PTPRN2: variants seen among roughly 807,000 people sequenced by gnomAD.
PTPRN2 encodes the protein protein tyrosine phosphatase receptor type N2.
Under a neutral mutation model 118.8 loss-of-function variants are expected in PTPRN2, and 74 were observed. The ratio of observed to expected loss-of-function variants is 0.62; its 90% confidence interval spans 0.52 to 0.76. The LOEUF (loss-of-function observed/expected upper bound fraction) is 0.76, where lower values mean the gene tolerates loss of function less well. PTPRN2 is among the 30% of genes least tolerant of loss of function. The pLI, the probability that PTPRN2 is intolerant of heterozygous loss-of-function variation, is 0.00. For synonymous variants in PTPRN2, 641 were observed against 608.0 expected (o/e 1.05, Z -0.80); for missense variants, 1,481 against 1,394.4 (o/e 1.06, Z -0.99).
Position 157,571,477 on chromosome 7 carries a change from A to G in PTPRN2, c.2800T>C (p.Tyr934His). The G allele has an allele frequency of 6.2e-7, 1 of 1,609,350 alleles. No individual in the cohort carries two copies. The highest frequency in any genetic ancestry group is 8.5e-7 in the Non-Finnish European group (1 of 1,177,304). ...ATTATTGGACAAGAACGGCCCCTGTAGCACTTGTTTACTTTTCTGAAATAA... is the reference window on the plus strand; with the variant it reads ...ATTATTGGACAAGAACGGCCCCTGTGGCACTTGTTTACTTTTCTGAAATAA... ...LDFRRKVNKCYRGRSCPIIVH... is the reference protein window; with the variant it reads ...LDFRRKVNKCHRGRSCPIIVH... The change falls in exon 20 of 23, where the codon TAC becomes CAC. Residue 934 changes from tyrosine to histidine, a missense_variant. Physicochemically the swap from Tyr to His is moderately conservative, Grantham distance 83. Transcript: ENST00000389418.
At chr7:158,113,647 C>T (rs1446079959) in intron 9 of PTPRN2, among the ~76,000 whole-genome samples, 1 of 152,166 alleles carries the variant, frequency 6.6e-6, no homozygotes, top group East Asian at 1.9e-4. Context: ...CAGAGCGCAG[C>T]TGCACTAGCT....
intron 11 of PTPRN2, among the ~76,000 whole-genome samples, chr7:157,908,632 C>T (rs913273720): frequency 1.3e-5 from 2 of 152,192 alleles, no homozygotes; most frequent in East Asian, 1.9e-4. Context: ...GCATGACTCA[C>T]GCAACCAGCT....
In PTPRN2 at chr7:157,660,180, G is replaced by C. The variant is rs972385117; in HGVS notation, c.2002-3629C>G. Among the ~76,000 whole-genome samples the C allele has an allele frequency of 2.0e-5, 3 of 152,268 alleles. No homozygotes were observed. In the South Asian group the frequency reaches 6.2e-4, roughly 32 times the overall value. On this transcript the variant is annotated intron_variant, in intron 13 of 22. Coordinates refer to ENST00000389418, the MANE Select transcript of PTPRN2 (RefSeq NM_002847.5). ...AAAATAACGTCCAACCAAAGCATGA[G>C]AACAGCTACAGCTCAGGGAACCCAG...
At chr7:157,580,420 C>T (rs769003440) in intron 17 of PTPRN2, among the ~76,000 whole-genome samples, 3 of 151,986 alleles carry the variant, frequency 2.0e-5, no homozygotes, top group Non-Finnish European at 4.4e-5. Context: ...GCCACCTGCA[C>T]AGCCGAGTAC....
chr7:158,171,318 T>TACATAC lies in PTPRN2; in HGVS notation c.550-4028_550-4027insGTATGT, dbSNP rs1318559722. On this transcript the variant is annotated intron_variant, in intron 5 of 22. Transcript: ENST00000389418. ...ACATATATATACACACATATATATA[T>TACATAC]ATATATATATATATATATATATATA... 5.2e-3 allele frequency among the ~76,000 whole-genome samples: 488 copies of TACATAC among 93,828 alleles called. 67 individuals carry two copies. The highest frequency in any genetic ancestry group is 0.02 in the African/African-American group (432 of 21,542). The allele number at this position is 93,828 out of a possible 152,430, so 61.6% of individuals were successfully genotyped here.
rs1253314207 is a variant in PTPRN2, at chr7:157,674,060, C to G, written c.2001+8665G>C. Among the ~76,000 whole-genome samples, 1 of 152,208 alleles carries G rather than the reference C, an allele frequency of 6.6e-6. No homozygotes were observed. Among genetic ancestry groups the G allele is most frequent in the Non-Finnish European group, 1.5e-5 (1 of 68,032 alleles). ...CGAGGTTCCAAGGCTGTCTGCCCAC[C>G]CAGACCCAAGGTGTCCAATCCTTAG... On this transcript the variant is annotated intron_variant, in intron 13 of 22. Transcript: ENST00000389418. The surrounding 1 kb of genome is among the most constrained non-coding windows in gnomAD (Gnocchi z 4.5).
At chr7:158,338,270 C>T (rs1368755139) in intron 2 of PTPRN2, among the ~76,000 whole-genome samples, 1 of 77,970 alleles carries the variant, frequency 1.3e-5, no homozygotes, top group African/African-American at 5.9e-5. Context: ...ACACTCTCAC[C>T]ATAAGCGCTG....
At chr7:158,288,981 C>T (rs1253818356) in intron 3 of PTPRN2, among the ~76,000 whole-genome samples, 1 of 152,100 alleles carries the variant, frequency 6.6e-6, no homozygotes, top group African/African-American at 2.4e-5. Context: ...CCTTCAGCAC[C>T]TTGAATATAT....
chr7:158,484,983 C>T (rs974015391), intron 2 of PTPRN2, among the ~76,000 whole-genome samples: 1 of 152,130 alleles, frequency 6.6e-6, no homozygotes, highest in Admixed American at 6.5e-5. Flanking sequence ...GAGCCACGAG[C>T]GCAAGGGCAC....
intron 11 of PTPRN2, among the ~76,000 whole-genome samples, chr7:157,981,383 C>G (rs374857384): frequency 1.3e-5 from 2 of 148,600 alleles, no homozygotes; most frequent in African/African-American, 5.2e-5. Flanking sequence ...TATTCCGGGA[C>G]GGGTGAAACT....
At chr7:157,854,263 G>A (rs546736136) in intron 12 of PTPRN2, among the ~76,000 whole-genome samples, 1 of 152,376 alleles carries the variant, frequency 6.6e-6, no homozygotes, top group Admixed American at 6.5e-5. Context: ...ATGAAGGCAA[G>A]GGCTGGGCTC....
At chr7:157,738,275 G>C (rs1800417209) in intron 12 of PTPRN2, among the ~76,000 whole-genome samples, 2 of 152,120 alleles carry the variant, frequency 1.3e-5, no homozygotes, top group African/African-American at 4.8e-5. Flanking sequence ...GTCTGAATTC[G>C]ACATCTCTCC....
chr7:158,390,083 A>G (rs1189201625), intron 2 of PTPRN2, among the ~76,000 whole-genome samples: 2 of 152,232 alleles, frequency 1.3e-5, no homozygotes, highest in Non-Finnish European at 2.9e-5. Flanking sequence ...GCGTTTATTC[A>G]AACCGATCTT....
chr7:157,967,133 A>C (rs1307570202), intron 11 of PTPRN2, among the ~76,000 whole-genome samples: 1 of 152,206 alleles, frequency 6.6e-6, no homozygotes, highest in East Asian at 1.9e-4. Flanking sequence ...CCACCTGGGC[A>C]ACATATTGAG....
intron 2 of PTPRN2, among the ~76,000 whole-genome samples, chr7:158,324,670 G>A: frequency 6.7e-6 from 1 of 148,752 alleles, no homozygotes; most frequent in Non-Finnish European, 1.5e-5. Context: ...GATCCTAGTG[G>A]ACCTCTGTTC....
intron 2 of PTPRN2, among the ~76,000 whole-genome samples, chr7:158,344,694 C>T (rs989566140): frequency 1.3e-5 from 2 of 151,382 alleles, no homozygotes; most frequent in Non-Finnish European, 2.9e-5. Flanking sequence ...GAGGTGGTCG[C>T]TCTCCCCAAG....
At chr7:158,036,246 GA>G (rs201066771) in intron 11 of PTPRN2, among the ~76,000 whole-genome samples, 2,774 of 151,456 alleles carry the variant, frequency 0.018, 96 homozygotes, top group African/African-American at 0.063. Flanking sequence ...TCATTTTTAG[GA>G]AAAAAAACAA....
chr7:158,221,601 C>T (rs1253437138), intron 3 of PTPRN2, among the ~76,000 whole-genome samples: 1 of 151,894 alleles, frequency 6.6e-6, no homozygotes, highest in Non-Finnish European at 1.5e-5. Context: ...GTGAAAAGCA[C>T]GTCTTACATG....
intron 2 of PTPRN2, among the ~76,000 whole-genome samples, chr7:158,364,687 C>T (rs1377949246): frequency 6.6e-6 from 1 of 152,186 alleles, no homozygotes; most frequent in Non-Finnish European, 1.5e-5. Context: ...GAGTTTTGAT[C>T]ACACAGCTGG....
Sources: gnomAD v4.1 joint callset for allele counts (sites outside exome capture counted in the v4.1 genomes callset) on GRCh38, gnomAD v4.1.1 for gene constraint, Gnocchi (gnomAD v3.1) non-coding constraint, MANE v1.5 for transcripts, NCBI Gene and HGNC (gene_info 2026-07-23, HGNC 2026-07-21) for gene names.